The following POM121C variants were observed in gnomAD, a reference collection of about 807,000 sequenced individuals.
POM121C encodes the protein nuclear envelope pore membrane protein POM 121C.
In POM121C, 20 loss-of-function variants were observed where a neutral mutation model predicts 66.4. The observed-to-expected ratio is 0.30, with a 90% confidence interval of 0.21 to 0.44. The LOEUF is 0.44. POM121C is among the 20% of genes least tolerant of loss of function. The pLI is 1.00. For missense variants in POM121C, 580 were observed against 1,225.7 expected (o/e 0.47, Z 7.87); for synonymous variants, 286 against 528.0 (o/e 0.54, Z 6.28).
intron 3 of POM121C, among the ~76,000 whole-genome samples, chr7:75,449,950 G>C: frequency 6.6e-6 from 1 of 152,170 alleles, no homozygotes; most frequent in Non-Finnish European, 1.5e-5. Flanking sequence ...AGGAGGTGGA[G>C]GTTGAGTGAG....
chr7:75,443,890 G>A (rs1232759330), intron 3 of POM121C, among the ~76,000 whole-genome samples: 1 of 30,522 alleles, frequency 3.3e-5, no homozygotes, highest in African/African-American at 9.4e-5. Context: ...AGTGAGCCGA[G>A]ATCATGCCAC....
chr7:75,443,168 A>C (rs1554474357), intron 3 of POM121C, among the ~76,000 whole-genome samples: 1 of 152,166 alleles, frequency 6.6e-6, no homozygotes. Context: ...TGGGACGATT[A>C]CCTACCAAAT....
chr7:75,435,253 T>A (rs1348739857), intron 7 of POM121C, among the ~76,000 whole-genome samples: 1 of 152,188 alleles, frequency 6.6e-6, no homozygotes, highest in East Asian at 1.9e-4. Flanking sequence ...TGGAATGACG[T>A]CAACTGTCTA....
At chr7:75,450,518 G>A (rs1336566888) in intron 3 of POM121C, among the ~76,000 whole-genome samples, 7 of 152,280 alleles carry the variant, frequency 4.6e-5, no homozygotes, top group East Asian at 3.9e-4. Flanking sequence ...TGCAGGCCTA[G>A]CTAAGTGCTG....
At position 75,441,127 on chromosome 7, in the gene POM121C, GAC is replaced by G. The variant is rs1234504208; in HGVS notation, c.66-14_66-13del. 6.2e-7 allele frequency: 1 copy of G among 1,611,386 alleles called. No individual in the cohort carries two copies. Among genetic ancestry groups the G allele is most frequent in the African/African-American group, 1.3e-5 (1 of 74,690 alleles). Reference sequence around the variant, plus strand: ...TTATCTGCTCTGGTCTATAATGAAAGACAAGATTCTAGCCGTAAGATATTTTA... The same window carrying G: ...TTATCTGCTCTGGTCTATAATGAAAGAAGATTCTAGCCGTAAGATATTTTA... On this transcript the variant is annotated splice_polypyrimidine_tract_variant and intron_variant, in intron 4 of 14. Coordinates refer to ENST00000615331, the MANE Select transcript of POM121C (RefSeq NM_001099415.3).
chr7:75,479,459 T>C (rs1792221817), intron 1 of POM121C, among the ~76,000 whole-genome samples: 2 of 150,822 alleles, frequency 1.3e-5, no homozygotes, highest in Admixed American at 6.6e-5. Flanking sequence ...CTACTAAAAA[T>C]ACAAAAATTA....
At chr7:75,484,063 C>T (rs1792413283) in intron 1 of POM121C, 1 of 629,378 alleles carries the variant, frequency 1.6e-6, no homozygotes, top group Admixed American at 2.7e-5. Context: ...GATCATGCCA[C>T]TGCACTGCAG....
intron 1 of POM121C, among the ~76,000 whole-genome samples, chr7:75,485,143 C>T (rs1180353071): frequency 6.6e-6 from 1 of 152,138 alleles, no homozygotes; most frequent in Non-Finnish European, 1.5e-5. Context: ...CTGCATCCCG[C>T]CCGCATTTTC....
Position 75,473,983 on chromosome 7 carries a change from C to A in POM121C, c.-152+721G>T, listed in dbSNP as rs587621021. On this transcript the variant is annotated intron_variant, in intron 3 of 14. Coordinates refer to ENST00000615331, the MANE Select transcript of POM121C (RefSeq NM_001099415.3). ...GATTACAGGCGTTAGCCACCGCGCC[C>A]GGCCAAGTCCAAGGTATTTTTAAAG... is the stretch of plus-strand genomic sequence containing the variant. 5.9e-5 allele frequency among the ~76,000 whole-genome samples: 9 copies of A among 152,106 alleles called. No individual in the cohort carries two copies. In the East Asian group the frequency reaches 1.6e-3, roughly 26 times the overall value.
intron 3 of POM121C, among the ~76,000 whole-genome samples, chr7:75,462,763 C>G (rs1554477217): frequency 6.6e-6 from 1 of 151,634 alleles, no homozygotes; most frequent in African/African-American, 2.4e-5. Flanking sequence ...AAATGCATAC[C>G]CTGCTGATGC....
At chr7:75,471,427 A>G (rs1252083619) in intron 3 of POM121C, among the ~76,000 whole-genome samples, 1 of 151,624 alleles carries the variant, frequency 6.6e-6, no homozygotes, top group Non-Finnish European at 1.5e-5. Context: ...CGAACTCCTG[A>G]CCTCAGGTAA....
chr7:75,424,082 T>C lies in POM121C; in HGVS notation c.1015A>G (p.Met339Val). Reference protein sequence around the residue: ...TNPLLESLKKMQTPPSLPPCP... With the variant: ...TNPLLESLKKVQTPPSLPPCP... Reference sequence around the variant, plus strand: ...GGTGGCAGGCTCGGGGGAGTCTGCATCTTCTTCAAGCTCTCTAACAGTGGG... The same window carrying C: ...GGTGGCAGGCTCGGGGGAGTCTGCACCTTCTTCAAGCTCTCTAACAGTGGG... The change falls in exon 12 of 15, where the codon ATG becomes GTG. Residue 339 changes from methionine to valine, a missense_variant. Coordinates refer to ENST00000615331, the MANE Select transcript of POM121C (RefSeq NM_001099415.3). 3 of 1,611,780 alleles carry C rather than the reference T, an allele frequency of 1.9e-6. No individual in the cohort carries two copies. Among genetic ancestry groups the C allele is most frequent in the Non-Finnish European group, 2.5e-6 (3 of 1,179,792 alleles).
chr7:75,431,603 CAAAAAAAAAAAAAA>C (rs71098029), intron 7 of POM121C, among the ~76,000 whole-genome samples: 3 of 50,756 alleles, frequency 5.9e-5, no homozygotes, highest in African/African-American at 9.1e-5. Context: ...AACTCCGTCT[CAAAAAAAAAAAAAA>C]AAAAAAAAAA....
chr7:75,476,231 C>G (rs1792069788), intron 1 of POM121C, among the ~76,000 whole-genome samples: 1 of 149,976 alleles, frequency 6.7e-6, no homozygotes, highest in Non-Finnish European at 1.5e-5. Flanking sequence ...GTCAAGGCTA[C>G]AGTGAGCTGT....
intron 1 of POM121C, among the ~76,000 whole-genome samples, chr7:75,477,670 T>G (rs587612735): frequency 6.6e-6 from 1 of 152,170 alleles, no homozygotes; most frequent in South Asian, 2.1e-4. Context: ...GGCTCATGCC[T>G]GTAATCCCAG....
intron 7 of POM121C, among the ~76,000 whole-genome samples, chr7:75,434,751 T>G (rs1442504430): frequency 2.6e-5 from 4 of 151,886 alleles, no homozygotes; most frequent in Non-Finnish European, 5.9e-5. Context: ...CCCAGCTAAT[T>G]TTTATATTTT....
intron 3 of POM121C, among the ~76,000 whole-genome samples, chr7:75,459,272 CAGA>C (rs1422068670): frequency 2.6e-5 from 4 of 151,390 alleles, no homozygotes; most frequent in South Asian, 2.1e-4. Context: ...ACTGAATTCC[CAGA>C]AGGAGAGGAA....
intron 3 of POM121C, among the ~76,000 whole-genome samples, chr7:75,452,917 G>C (rs1236832708): frequency 6.6e-6 from 1 of 152,148 alleles, no homozygotes; most frequent in Non-Finnish European, 1.5e-5. Flanking sequence ...CCAACAGGTG[G>C]GTCAGGGTGG....
rs782045445 is a variant in POM121C, at chr7:75,441,638, C to T, written c.-142G>A. 15 of 1,554,204 alleles carry T rather than the reference C, an allele frequency of 9.7e-6. No homozygotes were observed. In the Middle Eastern group the frequency reaches 8.3e-4, roughly 86 times the overall value. ...TTATTACAAACCGATCTGGTAAAGT[C>T]CCACGATCCCTGCAGAGAATGCGAG... On this transcript the variant is annotated 5_prime_UTR_variant, in exon 4 of 15. Transcript: ENST00000615331.
Sources: gnomAD v4.1 joint callset for allele counts (sites outside exome capture counted in the v4.1 genomes callset) on GRCh38, gnomAD v4.1.1 for gene constraint, MANE v1.5 for transcripts, NCBI Gene and HGNC (gene_info 2026-07-23, HGNC 2026-07-21) for gene names.